The following ANKRD34B variants were observed in gnomAD, a reference collection of about 807,000 sequenced individuals.
The protein encoded by ANKRD34B is ankyrin repeat domain 34B.
In ANKRD34B, 2 loss-of-function variants were observed where a neutral mutation model predicts 4.4. That is an observed-to-expected ratio of 0.46 (90% CI 0.19 to 1.44). ANKRD34B has a LOEUF of 1.44. ANKRD34B is among the 40% of genes most tolerant of loss of function. The pLI, the probability that ANKRD34B is intolerant of heterozygous loss-of-function variation, is 0.26. For synonymous variants in ANKRD34B, 226 were observed against 227.1 expected (o/e 0.99, Z 0.05); for missense variants, 558 against 604.7 (o/e 0.92, Z 0.81).
chr5:80,566,955 C>G (rs1203493551), intron 2 of ANKRD34B, among the ~76,000 whole-genome samples, 181 bp from the exon 3 acceptor site: 2 of 152,124 alleles, frequency 1.3e-5, no homozygotes, highest in Non-Finnish European at 2.9e-5. Context: ...GCACAGCAAC[C>G]CCGTGTGTGT....
Position 80,559,785 on chromosome 5 carries a change from T to C in ANKRD34B, c.235A>G (p.Ile79Val), listed in dbSNP as rs781522784. ...YLLENNADPNIQDKSGKTALM... is the reference protein window; with the variant it reads ...YLLENNADPNVQDKSGKTALM... ...GCCGTTTTCCCAGATTTGTCCTGTA[T>C]GTTGGGATCGGCATTGTTCTCTAAC... Residue 79 changes from isoleucine to valine, a missense_variant, in exon 5 of 5, where the codon ATA becomes GTA. Ile to Val is a conservative substitution (Grantham distance 29, BLOSUM62 3). Coordinates refer to ENST00000338682, the MANE Select transcript of ANKRD34B (RefSeq NM_001004441.3). The C allele has an allele frequency of 6.2e-7, 1 of 1,614,236 alleles. No homozygotes were observed. The highest frequency in any genetic ancestry group is 1.1e-5 in the South Asian group (1 of 91,092).
rs1196327285 is a variant in ANKRD34B, at chr5:80,559,659, C to G, written c.361G>C (p.Ala121Pro). 6.2e-7 allele frequency: 1 copy of G among 1,614,172 alleles called. No homozygotes were observed. The highest frequency in any genetic ancestry group is 1.7e-5 in the Admixed American group (1 of 60,018). ...TCTGAATTTATAGCATAAACAAGAGCTGAGTAACTAGAATGGTCTTGCAAG... is the reference window on the plus strand; with the variant it reads ...TCTGAATTTATAGCATAAACAAGAGGTGAGTAACTAGAATGGTCTTGCAAG... ...LSLQDHSSYS[A>P]LVYAINSEDT... is the part of the protein sequence containing the mutation. Residue 121 changes from alanine to proline, a missense_variant, in exon 5 of 5, where the codon GCT (alanine) becomes CCT (proline). Coordinates refer to ENST00000338682, the MANE Select transcript of ANKRD34B (RefSeq NM_001004441.3).
intron 3 of ANKRD34B, among the ~76,000 whole-genome samples, chr5:80,565,933 TG>T (rs1413641686): frequency 6.6e-6 from 1 of 152,184 alleles, no homozygotes; most frequent in African/African-American, 2.4e-5. Context: ...ATTAAACAGC[TG>T]GATAAACTGC....
intron 1 of ANKRD34B, among the ~76,000 whole-genome samples, chr5:80,569,383 G>T (rs1322503603): frequency 1.3e-5 from 2 of 152,198 alleles, no homozygotes; most frequent in African/African-American, 4.8e-5. Flanking sequence ...CTCTGCACCC[G>T]GCTCTCTGCT....
At chr5:80,560,953 T>G (rs945345995) in intron 4 of ANKRD34B, among the ~76,000 whole-genome samples, 7 of 152,160 alleles carry the variant, frequency 4.6e-5, no homozygotes, top group Admixed American at 4.6e-4. Context: ...ATGGTGAGCA[T>G]GTGATTACGC....
intron 3 of ANKRD34B, among the ~76,000 whole-genome samples, chr5:80,565,047 T>C (rs2112716982): frequency 6.6e-6 from 1 of 152,374 alleles, no homozygotes; most frequent in East Asian, 1.9e-4. Flanking sequence ...CTTTTGAAAT[T>C]GCCTAGACAT....
chr5:80,560,586 A>G (rs1699819271), intron 4 of ANKRD34B, among the ~76,000 whole-genome samples: 1 of 152,138 alleles, frequency 6.6e-6, no homozygotes, highest in Non-Finnish European at 1.5e-5. Flanking sequence ...ACTTGAGCCC[A>G]GGAGTTTGAG....
chr5:80,570,066 T>C (rs1354743114), intron 1 of ANKRD34B, 88 bp downstream of exon 1: 1 of 152,454 alleles, frequency 6.6e-6, no homozygotes, highest in Non-Finnish European at 1.5e-5. Flanking sequence ...GGTTCCACGC[T>C]GCGCCCTCGA....
intron 1 of ANKRD34B, among the ~76,000 whole-genome samples, chr5:80,569,459 C>T (rs924486164): frequency 1.8e-4 from 27 of 152,154 alleles, no homozygotes; most frequent in African/African-American, 6.5e-4. Flanking sequence ...CGGCTGCCCG[C>T]CCCTGTGTGG....
chr5:80,567,688 A>G (rs925585373), intron 2 of ANKRD34B, among the ~76,000 whole-genome samples: 3 of 148,440 alleles, frequency 2.0e-5, no homozygotes, highest in African/African-American at 7.4e-5. Flanking sequence ...CTTTCACTCT[A>G]CCTCCAAATA....
In ANKRD34B at chr5:80,559,154, C is replaced by T. The variant is rs565558399; in HGVS notation, c.866G>A (p.Arg289Gln). The change falls in exon 5 of 5, where the codon CGG becomes CAG. Residue 289 changes from arginine to glutamine, a missense_variant. Coordinates refer to ENST00000338682, the MANE Select transcript of ANKRD34B (RefSeq NM_001004441.3). ...YKTNGLALSK[R>Q]FITRHQSIDV... ...AATGCTTTGGTGCCTAGTGATGAAC[C>T]GCTTGGAAAGTGCCAGCCCATTGGT... 3.0e-5 allele frequency: 49 copies of T among 1,614,022 alleles called. No individual in the cohort carries two copies. The highest frequency in any genetic ancestry group is 1.2e-4 in the South Asian group (11 of 91,090).
At chr5:80,564,177 ATATTT>A (rs1300101527) in intron 3 of ANKRD34B, among the ~76,000 whole-genome samples, 3 of 152,052 alleles carry the variant, frequency 2.0e-5, no homozygotes, top group African/African-American at 4.8e-5. Flanking sequence ...ATTTTTTTAA[ATATTT>A]TATTTTATTT....
intron 2 of ANKRD34B, among the ~76,000 whole-genome samples, chr5:80,568,405 C>T (rs368748491): frequency 1.3e-5 from 2 of 152,192 alleles, no homozygotes; most frequent in South Asian, 2.1e-4. Flanking sequence ...GCTGCCACAG[C>T]CTAGAGACGG....
chr5:80,567,100 G>C (rs980561664), intron 2 of ANKRD34B, among the ~76,000 whole-genome samples: 3 of 152,200 alleles, frequency 2.0e-5, no homozygotes, highest in African/African-American at 7.2e-5. Context: ...TTACTCACCT[G>C]TTTGCCAGAG....
intron 3 of ANKRD34B, among the ~76,000 whole-genome samples, chr5:80,566,414 T>C (rs249203): frequency 0.89 from 135,039 of 152,228 alleles, 60,091 homozygotes; most frequent in East Asian, 1. Flanking sequence ...GGCAAGAAAA[T>C]GAAGATTTAT....
Position 80,559,079 on chromosome 5 carries a change from G to A in ANKRD34B, c.941C>T (p.Ser314Leu). ...TATTTCATCATATGACATCTTCCTTGAGCTGGCCTGATCAAAGGCTCTTAG... is the reference window on the plus strand; with the variant it reads ...TATTTCATCATATGACATCTTCCTTAAGCTGGCCTGATCAAAGGCTCTTAG... ...HLLRAFDQAS[S>L]RKMSYDEINC... is the part of the protein sequence containing the mutation. Residue 314 changes from serine (S) to leucine (L), a missense_variant, in exon 5 of 5, where the codon TCA (serine) becomes TTA (leucine). By Grantham distance (145) the Ser-to-Leu change is moderately radical. Coordinates refer to ENST00000338682, the MANE Select transcript of ANKRD34B (RefSeq NM_001004441.3). 1.2e-6 allele frequency: 2 copies of A among 1,614,170 alleles called. No individual in the cohort carries two copies. The highest frequency in any genetic ancestry group is 1.7e-6 in the Non-Finnish European group (2 of 1,180,052).
chr5:80,562,102 T>TGTGA (rs1201694269), intron 4 of ANKRD34B, among the ~76,000 whole-genome samples: 10 of 141,608 alleles, frequency 7.1e-5, no homozygotes, highest in South Asian at 2.2e-4. Flanking sequence ...TGTGTGTGTG[T>TGTGA]GAAGAATACA....
In ANKRD34B at chr5:80,559,130, A is replaced by G. The variant is rs776197794; in HGVS notation, c.890T>C (p.Ile297Thr). Residue 297 changes from isoleucine (I) to threonine (T), a missense_variant, in exon 5 of 5, where the codon ATT becomes ACT. Ile to Thr is a moderately conservative substitution (Grantham distance 89, BLOSUM62 -1). Transcript: ENST00000338682. ...CAAATGTGCAGTGTCTTTTACATCA[A>G]TGCTTTGGTGCCTAGTGATGAACCG... is the stretch of plus-strand genomic sequence containing the variant. ...SKRFITRHQS[I>T]DVKDTAHLLR... The G allele has an allele frequency of 6.2e-7, 1 of 1,614,148 alleles. No individual in the cohort carries two copies. Among genetic ancestry groups the G allele is most frequent in the Non-Finnish European group, 8.5e-7 (1 of 1,180,030 alleles).
Position 80,563,345 on chromosome 5 carries a change from G to A in ANKRD34B, c.-24+390C>T, listed in dbSNP as rs746783989. ...TCTATTCTTCTTCTTTAAACAGTAC[G>A]CATTTCATGTACTCTTCTATATATC... On this transcript the variant is annotated intron_variant, in intron 4 of 4. Transcript: ENST00000338682. Among the ~76,000 whole-genome samples the A allele has an allele frequency of 9.2e-5, 14 of 152,158 alleles. 1 individual carries two copies. The East Asian group carries it at 2.3e-3, about 25-fold the overall frequency.
Sources: allele counts gnomAD v4.1 joint callset (sites outside exome capture counted in the v4.1 genomes callset), GRCh38; gene constraint gnomAD v4.1.1; transcripts MANE v1.5; gene names NCBI Gene and HGNC (gene_info 2026-07-23, HGNC 2026-07-21).